The following RIPOR3 variants were observed in gnomAD, a reference collection of about 807,000 sequenced individuals.
RIPOR3 encodes the protein family with sequence similarity 65 member C.
In RIPOR3, 95 loss-of-function variants were observed where a neutral mutation model predicts 114.3. That is an observed-to-expected ratio of 0.83 (90% CI 0.70 to 0.99). The LOEUF is 0.99. Among genes scored for constraint, RIPOR3 ranks in the 50% least tolerant of loss-of-function variants. The probability of loss-of-function intolerance (pLI) is 0.00; values close to 1 mark genes in which losing one functional copy is unlikely to be tolerated. For missense variants in RIPOR3, 1,252 were observed against 1,266.9 expected (o/e 0.99, Z 0.18); for synonymous variants, 575 against 543.8 (o/e 1.06, Z -0.80).
Position 50,653,441 on chromosome 20 carries a change from CT to C in RIPOR3, c.4-22586del, listed in dbSNP as rs569793114. ...AAAGAAAAAAACACTAAATTGTATA[CT>C]TTTTTTTTTTTTTGAGACAGCCTCC... On this transcript the variant is annotated intron_variant, in intron 1 of 21. Transcript: ENST00000327979. 5.1e-3 allele frequency among the ~76,000 whole-genome samples: 742 copies of C among 144,896 alleles called. 2 individuals carry two copies. Among genetic ancestry groups the C allele is most frequent in the Non-Finnish European group, 6.8e-3 (444 of 65,638 alleles).
chr20:50,599,338 GC>G (rs1318629429), intron 13 of RIPOR3, among the ~76,000 whole-genome samples: 4 of 152,044 alleles, frequency 2.6e-5, no homozygotes. Flanking sequence ...GTTGCAGTAA[GC>G]TGAGATCGTG....
intron 1 of RIPOR3, among the ~76,000 whole-genome samples, chr20:50,654,293 A>G (rs150687633): frequency 0.012 from 1,814 of 150,654 alleles, 21 homozygotes; most frequent in Non-Finnish European, 0.016. Flanking sequence ...CAGCCTCCCA[A>G]GTAGTTGGCA....
At chr20:50,642,272 T>A (rs1290354982) in intron 1 of RIPOR3, among the ~76,000 whole-genome samples, 2 of 151,712 alleles carry the variant, frequency 1.3e-5, no homozygotes, top group Non-Finnish European at 2.9e-5. Flanking sequence ...GAGCGGCTGA[T>A]AAATCCTAGA....
At chr20:50,689,142 T>C (rs1436036340) in intron 1 of RIPOR3, among the ~76,000 whole-genome samples, 5 of 150,800 alleles carry the variant, frequency 3.3e-5, no homozygotes, top group African/African-American at 7.3e-5. Context: ...TCTAGGGAAG[T>C]GGTGGGGAGA....
chr20:50,631,787 C>G (rs948636500), intron 1 of RIPOR3, among the ~76,000 whole-genome samples: 3 of 152,200 alleles, frequency 2.0e-5, no homozygotes, highest in African/African-American at 7.2e-5. Context: ...TGAGAAAATG[C>G]CACCCTATCC....
intron 1 of RIPOR3, among the ~76,000 whole-genome samples, chr20:50,666,197 C>CTTT (rs59346850): frequency 1.1e-5 from 1 of 93,406 alleles, no homozygotes; most frequent in East Asian, 2.9e-4. Context: ...CTTTTCTTTT[C>CTTT]TTTTCTTTTC....
intron 1 of RIPOR3, among the ~76,000 whole-genome samples, chr20:50,677,786 C>T (rs571105025): frequency 1.3e-5 from 2 of 151,714 alleles, no homozygotes; most frequent in African/African-American, 4.8e-5. Context: ...TCTCCTGCCT[C>T]AGCCTCTCAA....
rs1001738999 is a variant in RIPOR3 at position 50,586,483 on chromosome 20, T to C, written c.*749A>G. ...CCGAAGCTGGGTTGATTGATTGCAT[T>C]TGGGTGCGGATGGCCAAAGTGAGTG... On this transcript the variant is annotated 3_prime_UTR_variant, in exon 22 of 22. Coordinates refer to ENST00000327979, the MANE Select transcript of RIPOR3 (RefSeq NM_001290268.2). 1 of 152,192 alleles carries C rather than the reference T, an allele frequency of 6.6e-6. No homozygotes were observed. The highest frequency in any genetic ancestry group is 2.4e-5 in the African/African-American group (1 of 41,230). The allele number at this position is 152,192 out of a possible 1,614,324, so 9.4% of individuals were successfully genotyped here. A position where few individuals can be genotyped will look rare whatever the true frequency, so the allele number is the denominator to read the frequency against.
intron 1 of RIPOR3, among the ~76,000 whole-genome samples, chr20:50,651,912 A>C (rs539360304): frequency 2.6e-5 from 4 of 152,342 alleles, no homozygotes; most frequent in African/African-American, 9.6e-5. Context: ...ACCTGAACAG[A>C]AAACCACAAC....
chr20:50,679,297 A>T (rs917360791), intron 1 of RIPOR3, among the ~76,000 whole-genome samples: 9 of 150,184 alleles, frequency 6.0e-5, no homozygotes, highest in South Asian at 2.1e-4. Context: ...AATAAAATTT[A>T]AAAAAGAGGC....
At chr20:50,594,943 G>T in intron 16 of RIPOR3, 1 of 539,638 alleles carries the variant, frequency 1.9e-6, no homozygotes, top group Non-Finnish European at 3.3e-6. Context: ...AGGGGCTGCT[G>T]TCACCAGCCT....
At chr20:50,593,894 G>A (rs1219987931) in intron 17 of RIPOR3, among the ~76,000 whole-genome samples, 5 of 151,970 alleles carry the variant, frequency 3.3e-5, no homozygotes, top group Admixed American at 2.6e-4. Context: ...ATACCCTCGT[G>A]GGCCCCTGCC....
chr20:50,671,263 A>G (rs2086470711), intron 1 of RIPOR3, among the ~76,000 whole-genome samples: 1 of 152,224 alleles, frequency 6.6e-6, no homozygotes, highest in Non-Finnish European at 1.5e-5. Context: ...TTCTGGGATT[A>G]CAGGCATGAG....
rs1281364656 is a variant in RIPOR3, at chr20:50,679,149, T to TATAC, written c.3+11976_3+11977insGTAT. Among the ~76,000 whole-genome samples, 160 of 99,690 alleles carry TATAC rather than the reference T, an allele frequency of 1.6e-3. 3 individuals are homozygous for TATAC. Among genetic ancestry groups the TATAC allele is most frequent in the African/African-American group, 2.0e-3 (49 of 24,854 alleles). 65.4% of individuals were successfully genotyped at this position (99,690 alleles called of 152,430 possible). ...AAAAAAAAAAAAATATATATATATA[T>TATAC]ACACACACACACACACAGAGAGAGA... On this transcript the variant is annotated intron_variant, in intron 1 of 21. Coordinates refer to ENST00000327979, the MANE Select transcript of RIPOR3 (RefSeq NM_001290268.2).
chr20:50,609,485 A>G (rs2083866132), intron 7 of RIPOR3, 88 bp downstream of exon 7: 7 of 1,454,376 alleles, frequency 4.8e-6, no homozygotes, highest in Non-Finnish European at 5.4e-6. Context: ...CACCTCCTCC[A>G]GCCCCCACTG....
rs186585013 is a variant in RIPOR3 at position 50,608,599 on chromosome 20, G to C, written c.810+14C>G. 7.1e-4 allele frequency: 1,149 copies of C among 1,613,872 alleles called. 7 individuals are homozygous for C. In the African/African-American group the frequency reaches 0.014, roughly 19 times the overall value. On this transcript the variant is annotated intron_variant, in intron 10 of 21. Coordinates refer to ENST00000327979, the MANE Select transcript of RIPOR3 (RefSeq NM_001290268.2). ...CCCAGGCACCCCAGCCCTGCCCCCG[G>C]GCCCCATCCCCACCTTGATGTCCAG...
At chr20:50,595,577 C>A in intron 15 of RIPOR3, 73 bp from the exon 16 acceptor site, 5 of 1,574,310 alleles carry the variant, frequency 3.2e-6, no homozygotes, top group Non-Finnish European at 4.3e-6. Context: ...GGCTGTGGCT[C>A]CCACCTGCTT....
intron 12 of RIPOR3, among the ~76,000 whole-genome samples, chr20:50,603,633 C>T (rs752524414): frequency 6.6e-6 from 1 of 152,186 alleles, no homozygotes; most frequent in Non-Finnish European, 1.5e-5. Flanking sequence ...CTGAGGTTGC[C>T]GGCCCTATTC....
intron 13 of RIPOR3, among the ~76,000 whole-genome samples, chr20:50,598,201 T>C (rs1020643114): frequency 6.6e-6 from 1 of 151,850 alleles, no homozygotes; most frequent in Admixed American, 6.6e-5. Flanking sequence ...AGGCAAACGC[T>C]TCTTCACGAG....
Sources: gnomAD v4.1 joint callset for allele counts (sites outside exome capture counted in the v4.1 genomes callset) on GRCh38, gnomAD v4.1.1 for gene constraint, MANE v1.5 for transcripts, NCBI Gene and HGNC (gene_info 2026-07-23, HGNC 2026-07-21) for gene names.